CYBRD1: variants seen among roughly 807,000 people sequenced by gnomAD.
The protein encoded by CYBRD1 is plasma membrane ascorbate-dependent reductase CYBRD1.
CYBRD1 carries 14 observed loss-of-function variants against 21.9 expected under a neutral mutation model. The observed-to-expected ratio is 0.64, with a 90% CI of 0.42 to 1.00. CYBRD1 has a LOEUF of 1.00. CYBRD1 is among the 50% of genes least tolerant of loss of function. The probability of loss-of-function intolerance (pLI) is 0.00; values close to 1 mark genes in which losing one functional copy is unlikely to be tolerated. For missense variants in CYBRD1, 328 were observed against 352.5 expected, an observed-to-expected ratio of 0.93 and a Z score of 0.56; for synonymous variants, 146 against 136.5, an observed-to-expected ratio of 1.07 and a Z score of -0.48.
intron 2 of CYBRD1, among the ~76,000 whole-genome samples, chr2:171,546,239 C>T (rs749013533): frequency 2.0e-5 from 3 of 152,104 alleles, no homozygotes; most frequent in South Asian, 2.1e-4. Context: ...AGTTGGTGAC[C>T]GTGGACCAAG....
intron 2 of CYBRD1, among the ~76,000 whole-genome samples, chr2:171,547,180 T>A (rs1169533860): frequency 6.6e-6 from 1 of 152,068 alleles, no homozygotes; most frequent in African/African-American, 2.4e-5. Flanking sequence ...GGAGGAGTGT[T>A]AGATGCTACT....
chr2:171,546,475 C>T (rs964289127), intron 2 of CYBRD1, among the ~76,000 whole-genome samples: 1 of 152,144 alleles, frequency 6.6e-6, no homozygotes, highest in Non-Finnish European at 1.5e-5. Context: ...TAGGTACCTT[C>T]ATGGTTAAGA....
chr2:171,522,498 G>A lies in CYBRD1; in HGVS notation c.-48G>A, dbSNP rs375535347. The A allele has an allele frequency of 7.1e-6, 11 of 1,556,602 alleles. No individual in the cohort carries two copies. Among genetic ancestry groups the A allele is most frequent in the African/African-American group, 1.4e-5 (1 of 73,798 alleles). On this transcript the variant is annotated 5_prime_UTR_variant, in exon 1 of 4. Transcript: ENST00000321348. The surrounding 1 kb of genome is among the most constrained non-coding windows in gnomAD (Gnocchi z 4.3). Reference sequence around the variant, plus strand: ...GGCCACTACCCAGAGGGCTGCCGCCGCCTCTCCAAGTTCTTGTGGCCCCCG... The same window carrying A: ...GGCCACTACCCAGAGGGCTGCCGCCACCTCTCCAAGTTCTTGTGGCCCCCG...
intron 2 of CYBRD1, among the ~76,000 whole-genome samples, chr2:171,546,477 T>C (rs532648811): frequency 6.6e-6 from 1 of 152,302 alleles, no homozygotes; most frequent in South Asian, 2.1e-4. Flanking sequence ...GGTACCTTCA[T>C]GGTTAAGAAC....
intron 2 of CYBRD1, among the ~76,000 whole-genome samples, chr2:171,546,503 T>C (rs1697717508): frequency 6.6e-6 from 1 of 152,208 alleles, no homozygotes; most frequent in African/African-American, 2.4e-5. Flanking sequence ...TTTTTTGTCA[T>C]TGCAATTTTA....
At chr2:171,554,304 T>TTG (rs1683442763) in intron 3 of CYBRD1, among the ~76,000 whole-genome samples, 2 of 152,184 alleles carry the variant, frequency 1.3e-5, no homozygotes, top group Non-Finnish European at 2.9e-5. Context: ...AAAACAAGTG[T>TTG]TACAGATGCT....
In CYBRD1 at chr2:171,553,601, TATTAAA is replaced by T. The variant is rs1254429190; in HGVS notation, c.557+109_557+114del. The T allele has an allele frequency of 5.7e-6, 6 of 1,046,640 alleles. No individual in the cohort carries two copies. In the East Asian group the frequency reaches 9.5e-5, roughly 17 times the overall value. The allele number at this position is 1,046,640 out of a possible 1,614,324, so 64.8% of individuals were successfully genotyped here. ...TAAAAATATAACAAAATTTTTTAGA[TATTAAA>T]ATTAAAAAATATTTTAAAGAATTTG... On this transcript the variant is annotated intron_variant, in intron 3 of 3. Transcript: ENST00000321348.
In CYBRD1 at chr2:171,522,935, G is replaced by T; in HGVS notation, c.193+197G>T. On this transcript the variant is annotated intron_variant, in intron 1 of 3. Transcript: ENST00000321348. This position sits in a 1 kb window ranked among gnomAD's most constrained non-coding sequence, Gnocchi z 4.3. ...GCTGGCTCTGGGGCGGGACAGAGCT[G>T]CGGTTCAGGAGGATCGCCGCGAGCG... 1.2e-6 allele frequency: 1 copy of T among 846,952 alleles called. No individual in the cohort carries two copies. Among genetic ancestry groups the T allele is most frequent in the Non-Finnish European group, 1.8e-6 (1 of 560,880 alleles). The allele number at this position is 846,952 out of a possible 1,614,324, so 52.5% of individuals were successfully genotyped here. A position where few individuals can be genotyped will look rare whatever the true frequency, so the allele number is the denominator to read the frequency against.
At chr2:171,538,295 C>A (rs561463219) in intron 1 of CYBRD1, among the ~76,000 whole-genome samples, 1 of 152,104 alleles carries the variant, frequency 6.6e-6, no homozygotes, top group South Asian at 2.1e-4. Context: ...TTAAAAAATA[C>A]TTATGGAGGA....
At chr2:171,545,905 C>A (rs1369910117) in intron 2 of CYBRD1, among the ~76,000 whole-genome samples, 1 of 152,080 alleles carries the variant, frequency 6.6e-6, no homozygotes, top group Non-Finnish European at 1.5e-5. Flanking sequence ...GGTAAACACC[C>A]TACCTTAAGT....
chr2:171,531,456 T>C (rs1182392911), intron 1 of CYBRD1, among the ~76,000 whole-genome samples: 1 of 152,118 alleles, frequency 6.6e-6, no homozygotes, highest in Non-Finnish European at 1.5e-5. Context: ...TCTTTTTGCT[T>C]GTTTGTTTTG....
At position 171,528,385 on chromosome 2, in the gene CYBRD1, G is replaced by A. The variant is rs10930479; in HGVS notation, c.193+5647G>A. ...GAAGTGTGAGCCACCACGTCTGGCC[G>A]GGACACTTTCTTTACTTGGCTTCTC... On this transcript the variant is annotated intron_variant, in intron 1 of 3. Coordinates refer to ENST00000321348, the MANE Select transcript of CYBRD1 (RefSeq NM_024843.4). 0.038 allele frequency among the ~76,000 whole-genome samples: 5,799 copies of A among 152,084 alleles called. 776 individuals carry two copies. The East Asian group carries it at 0.52, about 14-fold the overall frequency.
rs1286026685 is a variant in CYBRD1, at chr2:171,533,534, A to G, written c.194-8051A>G. Among the ~76,000 whole-genome samples, 5 of 152,170 alleles carry G rather than the reference A, an allele frequency of 3.3e-5. No homozygotes were observed. In the East Asian group the frequency reaches 9.6e-4, roughly 29 times the overall value. On this transcript the variant is annotated intron_variant, in intron 1 of 3. Coordinates refer to ENST00000321348, the MANE Select transcript of CYBRD1 (RefSeq NM_024843.4). ...CAAAATGTTTTCCATGTTTGGGGACATTTCTCTCCCTCTAAGCACTCTTCC... is the reference window on the plus strand; with the variant it reads ...CAAAATGTTTTCCATGTTTGGGGACGTTTCTCTCCCTCTAAGCACTCTTCC...
In CYBRD1 at chr2:171,556,302, T is replaced by A. The variant is rs1683487427; in HGVS notation, c.*1475T>A. 1 of 147,136 alleles carries A rather than the reference T, an allele frequency of 6.8e-6. No individual in the cohort carries two copies. Among genetic ancestry groups the A allele is most frequent in the South Asian group, 2.3e-4 (1 of 4,424 alleles). 9.1% of individuals were successfully genotyped at this position (147,136 alleles called of 1,614,324 possible). On this transcript the variant is annotated 3_prime_UTR_variant, in exon 4 of 4. Transcript: ENST00000321348. The stretch of plus-strand genomic sequence containing the variant: ...TAGCTAGGGTCTTTCCTGATTTTTA[T>A]GGAATTTTAGGGGATATTTTGAGCT...
chr2:171,556,885 C>T lies in CYBRD1; in HGVS notation c.*2058C>T, dbSNP rs1683496771. The T allele has an allele frequency of 6.6e-6, 1 of 152,264 alleles. No individual in the cohort carries two copies. Among genetic ancestry groups the T allele is most frequent in the Admixed American group, 6.6e-5 (1 of 15,246 alleles). 9.4% of individuals were successfully genotyped at this position (152,264 alleles called of 1,614,324 possible). ...CATTACATAGAGGAACACAAAATTC[C>T]AGGGTTTTTGGAGGAAGGGATTAGA... On this transcript the variant is annotated 3_prime_UTR_variant, in exon 4 of 4. Coordinates refer to ENST00000321348, the MANE Select transcript of CYBRD1 (RefSeq NM_024843.4).
intron 1 of CYBRD1, among the ~76,000 whole-genome samples, chr2:171,536,088 G>A (rs998293562): frequency 8.8e-5 from 13 of 148,556 alleles, no homozygotes; most frequent in African/African-American, 3.0e-4. Flanking sequence ...AACCCCCCCA[G>A]CAACCCTTGT....
intron 1 of CYBRD1, among the ~76,000 whole-genome samples, chr2:171,533,969 G>A (rs1169178984): frequency 6.6e-6 from 1 of 151,934 alleles, no homozygotes; most frequent in Non-Finnish European, 1.5e-5. Context: ...GCCTCCCAAA[G>A]TTCTGGGATT....
intron 1 of CYBRD1, among the ~76,000 whole-genome samples, chr2:171,534,239 A>C (rs538154218): frequency 6.6e-6 from 1 of 152,196 alleles, no homozygotes. Flanking sequence ...AATGCCAACT[A>C]CAGCCTCTAA....
At chr2:171,553,803 C>A (rs1334082240) in intron 3 of CYBRD1, among the ~76,000 whole-genome samples, 1 of 151,910 alleles carries the variant, frequency 6.6e-6, no homozygotes, top group Non-Finnish European at 1.5e-5. Flanking sequence ...ATTTTTGTTT[C>A]ATCCTTTTTA....
Sources: allele counts gnomAD v4.1 joint callset (sites outside exome capture counted in the v4.1 genomes callset), GRCh38; gene constraint gnomAD v4.1.1; non-coding constraint Gnocchi (gnomAD v3.1); transcripts MANE v1.5; gene names NCBI Gene and HGNC (gene_info 2026-07-23, HGNC 2026-07-21).